The following SCN11A variants were observed in gnomAD, a reference collection of about 807,000 sequenced individuals.
SCN11A encodes sodium voltage-gated channel alpha subunit 11, also known as sodium channel protein type 11 subunit alpha.
SCN11A carries 122 observed loss-of-function variants against 162.2 expected under a neutral mutation model. The observed-to-expected ratio is 0.75, with a 90% confidence interval of 0.65 to 0.87. The LOEUF is 0.87. SCN11A is among the 40% of genes least tolerant of loss of function. The pLI is 0.00. For synonymous variants in SCN11A, 758 were observed against 751.5 expected, an observed-to-expected ratio of 1.01 and a Z score of -0.14; for missense variants, 2,015 against 2,181.6, an observed-to-expected ratio of 0.92 and a Z score of 1.52.
At chr3:38,887,391 A>G (rs892272986) in intron 19 of SCN11A, among the ~76,000 whole-genome samples, 3 of 143,418 alleles carry the variant, frequency 2.1e-5, no homozygotes, top group African/African-American at 7.8e-5. Flanking sequence ...CCTATTCTGC[A>G]TCTCAAACCC....
At chr3:38,928,635 A>G (rs2066181648) in intron 7 of SCN11A, among the ~76,000 whole-genome samples, 2 of 152,344 alleles carry the variant, frequency 1.3e-5, no homozygotes, top group South Asian at 4.1e-4. Flanking sequence ...ATTTGAATAG[A>G]TATTTCTCCA....
At position 38,860,416 on chromosome 3, in the gene SCN11A, A is replaced by G. The variant is rs551112612; in HGVS notation, c.4056+2779T>C. Among the ~76,000 whole-genome samples, 5 of 152,254 alleles carry G rather than the reference A, an allele frequency of 3.3e-5. No homozygotes were observed. The South Asian group carries it at 1.0e-3, about 32-fold the overall frequency. On this transcript the variant is annotated intron_variant, in intron 28 of 29. Transcript: ENST00000302328. Reference sequence around the variant, plus strand: ...ATGAAGCCAGTATCACCCTAATACCAAAACCAGGAAAGGACACAACAAAAA... The same window carrying G: ...ATGAAGCCAGTATCACCCTAATACCGAAACCAGGAAAGGACACAACAAAAA...
Position 38,896,992 on chromosome 3 carries a change from C to T in SCN11A, c.2256G>A (p.Gly752=). ...CCACTAGGAAGGAGTGCCAGAAATC[C>T]CCCATGTGCCAGTGCCGTAAACATG... ...TVSCLRHWHM[G]DFWHSFLVVF... is the part of the protein sequence containing the mutation. Residue 752 remains glycine, a synonymous_variant, in exon 18 of 30, where the codon GGG becomes GGA. Transcript: ENST00000302328. The T allele has an allele frequency of 6.2e-7, 1 of 1,614,082 alleles. No homozygotes were observed. Among genetic ancestry groups the T allele is most frequent in the South Asian group, 1.1e-5 (1 of 91,072 alleles).
chr3:38,852,944 A>G (rs2064806841), intron 28 of SCN11A, among the ~76,000 whole-genome samples: 2 of 152,228 alleles, frequency 1.3e-5, no homozygotes, highest in African/African-American at 4.8e-5. Context: ...AGAATCATTC[A>G]TTGAAGGCTT....
At chr3:38,883,696 G>T (rs1286964737) in intron 21 of SCN11A, among the ~76,000 whole-genome samples, 2 of 152,142 alleles carry the variant, frequency 1.3e-5, no homozygotes, top group Non-Finnish European at 2.9e-5. Flanking sequence ...TACCCCATTG[G>T]GTCTGGAAGG....
chr3:38,985,169 C>T lies in SCN11A; in HGVS notation c.-279-24746G>A, dbSNP rs557544966. ...TTGAGACAGAGTCTTGCTCTGTTGCCCAGGCTGGAGTGCAGTGGCGCAGTC... is the reference window on the plus strand; with the variant it reads ...TTGAGACAGAGTCTTGCTCTGTTGCTCAGGCTGGAGTGCAGTGGCGCAGTC... On this transcript the variant is annotated intron_variant, in intron 2 of 29. Transcript: ENST00000302328. 2.4e-4 allele frequency among the ~76,000 whole-genome samples: 36 copies of T among 147,092 alleles called. 1 individual carries two copies. The highest frequency in any genetic ancestry group is 4.7e-4 in the Non-Finnish European group (32 of 67,488).
chr3:39,047,045 T>TCCCC (rs2032201230), intron 1 of SCN11A, among the ~76,000 whole-genome samples: 2 of 10,732 alleles, frequency 1.9e-4, no homozygotes, highest in African/African-American at 4.4e-4. Flanking sequence ...CCCACCCCCA[T>TCCCC]CCCCCCACCC....
chr3:38,915,613 A>C (rs969959036), intron 11 of SCN11A, among the ~76,000 whole-genome samples: 8 of 152,086 alleles, frequency 5.3e-5, no homozygotes, highest in African/African-American at 1.9e-4. Context: ...GCATGGTTTT[A>C]AGTGATTTTT....
Position 39,029,782 on chromosome 3 carries a change from C to G in SCN11A, c.-280+2598G>C, listed in dbSNP as rs141017625. Among the ~76,000 whole-genome samples the G allele has an allele frequency of 3.1e-3, 467 of 152,330 alleles. 2 individuals carry two copies. The highest frequency in any genetic ancestry group is 0.01 in the African/African-American group (429 of 41,568). On this transcript the variant is annotated intron_variant, in intron 2 of 29. Transcript: ENST00000302328. ...AATATTTACCATTCAAAGGCTTCTG[C>G]AGGCATTCATGTACAACCAATTAGC...
At chr3:39,010,572 G>A (rs1413438067) in intron 2 of SCN11A, among the ~76,000 whole-genome samples, 1 of 151,908 alleles carries the variant, frequency 6.6e-6, no homozygotes, top group Admixed American at 6.6e-5. Flanking sequence ...TAGAGATGGG[G>A]TTTCACTGTG....
chr3:39,041,884 A>T (rs2032055461), intron 1 of SCN11A, among the ~76,000 whole-genome samples: 1 of 152,242 alleles, frequency 6.6e-6, no homozygotes, highest in South Asian at 2.1e-4. Context: ...TAACAATATG[A>T]CAGAAAAAAT....
At chr3:38,975,461 G>A (rs1205703597) in intron 2 of SCN11A, among the ~76,000 whole-genome samples, 1 of 152,212 alleles carries the variant, frequency 6.6e-6, no homozygotes, top group Non-Finnish European at 1.5e-5. Context: ...TAAGTTGAGA[G>A]AAGTTAACAA....
rs1257333152 is a variant in SCN11A, at chr3:38,847,493, G to A, written c.4577C>T (p.Ser1526Phe). ...MNWFSKVNPE[S>F]GIDDIFNFKT... ...GAAGTTGAATATGTCATCGATTCCAGACTCTGGATTCACTTTGGAAAACCA... is the reference window on the plus strand; with the variant it reads ...GAAGTTGAATATGTCATCGATTCCAAACTCTGGATTCACTTTGGAAAACCA... Residue 1526 changes from serine (S) to phenylalanine (F), a missense_variant, in exon 30 of 30, where the codon TCT becomes TTT. Transcript: ENST00000302328. 1 of 1,614,172 alleles carries A rather than the reference G, an allele frequency of 6.2e-7. No homozygotes were observed. Among genetic ancestry groups the A allele is most frequent in the South Asian group, 1.1e-5 (1 of 91,074 alleles).
At chr3:38,880,870 C>A (rs534979029) in intron 22 of SCN11A, among the ~76,000 whole-genome samples, 3 of 152,104 alleles carry the variant, frequency 2.0e-5, no homozygotes, top group Non-Finnish European at 2.9e-5. Flanking sequence ...ATATAACTAG[C>A]GTATAAGCTG....
intron 2 of SCN11A, among the ~76,000 whole-genome samples, chr3:38,971,838 G>T: frequency 6.6e-6 from 1 of 152,304 alleles, no homozygotes; most frequent in Non-Finnish European, 1.5e-5. Flanking sequence ...TGCTTATAAA[G>T]TAATATTCAA....
intron 2 of SCN11A, among the ~76,000 whole-genome samples, chr3:38,978,645 CA>C (rs11316563): frequency 0.51 from 74,728 of 147,080 alleles, 22,012 homozygotes; most frequent in African/African-American, 0.84. Flanking sequence ...GACCCTGTCT[CA>C]AAAAAAAAAA....
intron 1 of SCN11A, among the ~76,000 whole-genome samples, chr3:39,035,476 C>T (rs933596993): frequency 1.3e-5 from 2 of 152,164 alleles, no homozygotes; most frequent in African/African-American, 4.8e-5. Flanking sequence ...AAATCTAAGA[C>T]CTCAAACTAT....
intron 2 of SCN11A, among the ~76,000 whole-genome samples, chr3:38,982,930 C>T (rs2030113351): frequency 6.6e-6 from 1 of 152,178 alleles, no homozygotes; most frequent in Non-Finnish European, 1.5e-5. Context: ...ATATGCCAGA[C>T]ACATCTTCCA....
chr3:39,032,877 C>T (rs1261334049), intron 1 of SCN11A, among the ~76,000 whole-genome samples: 1 of 152,194 alleles, frequency 6.6e-6, no homozygotes, highest in East Asian at 1.9e-4. Context: ...ACTGGCCAGG[C>T]ACAGTGGCTC....
Sources: allele counts gnomAD v4.1 joint callset (sites outside exome capture counted in the v4.1 genomes callset), GRCh38; gene constraint gnomAD v4.1.1; transcripts MANE v1.5; gene names NCBI Gene and HGNC (gene_info 2026-07-23, HGNC 2026-07-21).